RGPD2: variants seen among roughly 807,000 people sequenced by gnomAD.
RGPD2 encodes RANBP2 like and GRIP domain containing 2.
In RGPD2, 2 loss-of-function variants were observed where a neutral mutation model predicts 36.0. That is an observed-to-expected ratio of 0.06 (90% CI 0.02 to 0.17). The LOEUF is 0.17. Among genes scored for constraint, RGPD2 ranks in the 10% least tolerant of loss-of-function variants. RGPD2 has a pLI of 1.00. For missense variants in RGPD2, 40 were observed against 464.3 expected (o/e 0.09, Z 8.40); for synonymous variants, 19 against 163.8 (o/e 0.12, Z 6.75).
the RGPD2 span, among the ~76,000 whole-genome samples, chr2:87,954,994 CTTTTTTTTTTTTTTT>C: frequency 2.1e-4 from 4 of 19,186 alleles, no homozygotes; most frequent in Non-Finnish European, 3.9e-4. Flanking sequence ...CTGCTTGAAA[CTTTTTTTTTTTTTTT>C]TTTTTTTTTT....
intron 4 of RGPD2, among the ~76,000 whole-genome samples, chr2:87,813,175 C>T (rs1384646582): frequency 1.3e-5 from 2 of 152,240 alleles, no homozygotes; most frequent in African/African-American, 2.4e-5. Flanking sequence ...GCAAAAAATG[C>T]TATAATCCCT....
Position 87,756,385 on chromosome 2 carries a change from TCCC to T in RGPD2, c.*1004_*1006del, listed in dbSNP as rs1300876251. ...TTTCAGCCTCGGAAAAGCCTGCCAT[TCCC>T]CCATCTAAAAACCCTTTCCCCATTC... is the stretch of plus-strand genomic sequence containing the variant. On this transcript the variant is annotated 3_prime_UTR_variant, in exon 23 of 23. Transcript: ENST00000398146. The T allele has an allele frequency of 2.7e-5, 4 of 147,312 alleles. No individual in the cohort carries two copies. Among genetic ancestry groups the T allele is most frequent in the African/African-American group, 1.0e-4 (4 of 39,818 alleles). The allele number at this position is 147,312 out of a possible 1,614,324, so 9.1% of individuals were successfully genotyped here. A position where few individuals can be genotyped will look rare whatever the true frequency, so the allele number is the denominator to read the frequency against.
At chr2:87,902,086 G>A in the RGPD2 span, among the ~76,000 whole-genome samples, 4 of 152,128 alleles carry the variant, frequency 2.6e-5, no homozygotes, top group African/African-American at 9.6e-5. Flanking sequence ...CATAGGCTAT[G>A]TTCAGAGAAT....
chr2:87,938,984 CTTT>C, the RGPD2 span, among the ~76,000 whole-genome samples: 1 of 82,126 alleles, frequency 1.2e-5, no homozygotes, highest in African/African-American at 4.7e-5. Flanking sequence ...GTTTCAGGGT[CTTT>C]TTTTAACTCA....
the RGPD2 span, among the ~76,000 whole-genome samples, chr2:87,887,151 G>A: frequency 6.6e-6 from 1 of 151,548 alleles, no homozygotes; most frequent in Non-Finnish European, 1.5e-5. Flanking sequence ...CAAGCAAAAG[G>A]CCAAGACTGT....
the RGPD2 span, among the ~76,000 whole-genome samples, chr2:87,870,240 G>C: frequency 1.3e-5 from 2 of 152,396 alleles, no homozygotes; most frequent in South Asian, 4.1e-4. Flanking sequence ...CCAATTCTTT[G>C]AGTTAGTAAA....
At chr2:87,769,125 G>A (rs1277207208) in intron 22 of RGPD2, among the ~76,000 whole-genome samples, 613 of 94,958 alleles carry the variant, frequency 6.5e-3, no homozygotes, top group African/African-American at 0.022. Flanking sequence ...GCACCACCAC[G>A]CCCAGCTAAT....
chr2:87,884,566 A>C, the RGPD2 span, among the ~76,000 whole-genome samples: 3 of 151,802 alleles, frequency 2.0e-5, no homozygotes, highest in African/African-American at 7.2e-5. Flanking sequence ...CTAAGAATAA[A>C]AGAGAGAAGA....
At chr2:87,937,769 A>C in the RGPD2 span, among the ~76,000 whole-genome samples, 3 of 151,982 alleles carry the variant, frequency 2.0e-5, no homozygotes, top group African/African-American at 7.2e-5. Flanking sequence ...TTAGCAAAGG[A>C]AATGTGAAAG....
the RGPD2 span, among the ~76,000 whole-genome samples, chr2:87,921,990 T>G: frequency 6.7e-6 from 1 of 150,360 alleles, no homozygotes; most frequent in African/African-American, 2.5e-5. Flanking sequence ...GCTTCCCCAA[T>G]TTTTTTGAAA....
At chr2:87,902,080 G>C in the RGPD2 span, among the ~76,000 whole-genome samples, 1 of 152,142 alleles carries the variant, frequency 6.6e-6, no homozygotes, top group Non-Finnish European at 1.5e-5. Context: ...AAGTTACATA[G>C]GCTATGTTCA....
At chr2:87,881,833 C>A in the RGPD2 span, among the ~76,000 whole-genome samples, 2 of 152,190 alleles carry the variant, frequency 1.3e-5, no homozygotes, top group Admixed American at 1.3e-4. Context: ...TGACACTGGG[C>A]AGTTTATACA....
At chr2:87,932,686 A>T in the RGPD2 span, among the ~76,000 whole-genome samples, 1 of 151,688 alleles carries the variant, frequency 6.6e-6, no homozygotes, top group Non-Finnish European at 1.5e-5. Flanking sequence ...CCTGAAAAGG[A>T]TCTTATTTCT....
the RGPD2 span, among the ~76,000 whole-genome samples, chr2:87,987,947 G>T: frequency 7.7e-6 from 1 of 130,022 alleles, no homozygotes; most frequent in Non-Finnish European, 1.6e-5. Context: ...TTTTGCTTAG[G>T]CTTATCATAC....
chr2:87,884,503 G>T, the RGPD2 span, among the ~76,000 whole-genome samples: 1 of 151,870 alleles, frequency 6.6e-6, no homozygotes, highest in Non-Finnish European at 1.5e-5. Flanking sequence ...AAGAGAATAA[G>T]AGTTGGCTTT....
the RGPD2 span, among the ~76,000 whole-genome samples, chr2:87,876,322 G>T: frequency 6.6e-6 from 1 of 151,554 alleles, no homozygotes; most frequent in Admixed American, 6.6e-5. Context: ...GTGATGTTAG[G>T]TTGTTAACTT....
At chr2:87,881,271 G>A in the RGPD2 span, among the ~76,000 whole-genome samples, 28 of 152,132 alleles carry the variant, frequency 1.8e-4, no homozygotes, top group African/African-American at 5.5e-4. Flanking sequence ...CACTCTGGGG[G>A]CCTGGAGGAT....
intron 6 of RGPD2, among the ~76,000 whole-genome samples, chr2:87,809,325 C>T (rs1196790990): frequency 6.6e-6 from 1 of 150,482 alleles, no homozygotes; most frequent in Non-Finnish European, 1.5e-5. Flanking sequence ...AAGATCGAGA[C>T]CATCCTGGCC....
the RGPD2 span, among the ~76,000 whole-genome samples, chr2:87,893,228 T>C: frequency 6.6e-6 from 1 of 151,786 alleles, no homozygotes; most frequent in Non-Finnish European, 1.5e-5. Context: ...CAGTGTTAAC[T>C]TTCCATCTTT....
Sources: gnomAD v4.1 joint callset for allele counts (sites outside exome capture counted in the v4.1 genomes callset) on GRCh38, gnomAD v4.1.1 for gene constraint, MANE v1.5 for transcripts, NCBI Gene and HGNC (gene_info 2026-07-23, HGNC 2026-07-21) for gene names.